Variants in USP20 observed in about 807,000 individuals in gnomAD.
The protein encoded by USP20 is ubiquitin carboxyl-terminal hydrolase 20.
In USP20, 80 loss-of-function variants were observed where a neutral mutation model predicts 124.2. That is an observed-to-expected ratio of 0.64 (90% CI 0.54 to 0.78). The LOEUF is 0.78. USP20 is among the 30% of genes least tolerant of loss of function. USP20 has a pLI of 0.00. For synonymous variants in USP20, 481 were observed against 512.3 expected (o/e 0.94, Z 0.83); for missense variants, 1,043 against 1,244.4 (o/e 0.84, Z 2.44).
chr9:129,841,589 C>T (rs2032216438), intron 1 of USP20, among the ~76,000 whole-genome samples: 1 of 152,176 alleles, frequency 6.6e-6, no homozygotes, highest in African/African-American at 2.4e-5. Context: ...GTTATGTCTC[C>T]TCAGTGTCTT....
intron 1 of USP20, among the ~76,000 whole-genome samples, chr9:129,840,197 T>G (rs1323345530): frequency 6.6e-6 from 1 of 152,234 alleles, no homozygotes; most frequent in Non-Finnish European, 1.5e-5. Context: ...CTTTCCCTTT[T>G]GGCCTTTATG....
At chr9:129,863,821 C>T (rs942896640) in intron 9 of USP20, among the ~76,000 whole-genome samples, 14 of 152,186 alleles carry the variant, frequency 9.2e-5, no homozygotes, top group African/African-American at 3.1e-4. Flanking sequence ...GAAAAACCAG[C>T]GTAGGGCCAG....
Position 129,875,566 on chromosome 9 carries a change from C to T in USP20, c.2225C>T (p.Pro742Leu), listed in dbSNP as rs1409831349. The change falls in exon 21 of 26, where the codon CCG becomes CTG. Residue 742 changes from proline (P) to leucine (L), a missense_variant. Transcript: ENST00000372429. ...QTFLCSHGGI[P>L]PHKYHYIDDL... The stretch of plus-strand genomic sequence containing the variant: ...CCCTGTACCTTCTTCCCAGGCATCC[C>T]GCCCCACAAATACCACTACATCGAC... 3.1e-6 allele frequency: 5 copies of T among 1,613,982 alleles called. No individual in the cohort carries two copies. The highest frequency in any genetic ancestry group is 4.2e-6 in the Non-Finnish European group (5 of 1,180,016).
chr9:129,859,031 A>G (rs1242107847), intron 6 of USP20, among the ~76,000 whole-genome samples: 4 of 151,998 alleles, frequency 2.6e-5, no homozygotes, highest in Non-Finnish European at 5.9e-5. Context: ...ACACTTCTCT[A>G]TGGGAAATGC....
In USP20 at chr9:129,865,465, C is replaced by T. The variant is rs112808696; in HGVS notation, c.690+84C>T. 6.6e-4 allele frequency: 959 copies of T among 1,443,008 alleles called. 2 individuals carry two copies. The African/African-American group carries it at 0.011, about 17-fold the overall frequency. The allele number at this position is 1,443,008 out of a possible 1,614,324, so 89.4% of individuals were successfully genotyped here. A position where few individuals can be genotyped will look rare whatever the true frequency, so the allele number is the denominator to read the frequency against. On this transcript the variant is annotated intron_variant, in intron 10 of 25. Transcript: ENST00000372429. ...TGACGCCAAAACCAGAGTGGAAAAT[C>T]GCAATGGCAGCTGAGCACTGGTTGG...
At position 129,861,029 on chromosome 9, in the gene USP20, TCG is replaced by T; in HGVS notation, c.424_425del (p.Gly143ProfsTer41). 6.4e-7 allele frequency: 1 copy of T among 1,562,588 alleles called. No homozygotes were observed. The highest frequency in any genetic ancestry group is 8.7e-7 in the Non-Finnish European group (1 of 1,147,308). ...SESEDDDLKP[R>X]GLTGMKNLGN... Reference sequence around the variant, plus strand: ...AGTCAGAGGACGATGACCTGAAACCTCGAGGTAATGGCCCCCACAGCAGGGGA... The same window carrying T: ...AGTCAGAGGACGATGACCTGAAACCTAGGTAATGGCCCCCACAGCAGGGGA... On this transcript the variant is annotated frameshift_variant and splice_region_variant, in exon 7 of 26. Coordinates refer to ENST00000372429, the MANE Select transcript of USP20 (RefSeq NM_001110303.4). LOFTEE classifies it high-confidence loss of function.
In USP20 at chr9:129,869,437, A is replaced by G; in HGVS notation, c.1392+12A>G. 4.3e-6 allele frequency: 7 copies of G among 1,612,112 alleles called. No individual in the cohort carries two copies. Among genetic ancestry groups the G allele is most frequent in the Non-Finnish European group, 5.9e-6 (7 of 1,178,738 alleles). On this transcript the variant is annotated intron_variant, in intron 13 of 25. Transcript: ENST00000372429. ...TCACCTGTGACCGGGTGGGTGCCCCAGGGATGGGGGGAGCTGGGCCAGGCT... is the reference window on the plus strand; with the variant it reads ...TCACCTGTGACCGGGTGGGTGCCCCGGGGATGGGGGGAGCTGGGCCAGGCT...
intron 4 of USP20, among the ~76,000 whole-genome samples, chr9:129,857,499 A>G (rs1226528715): frequency 1.3e-5 from 2 of 152,030 alleles, no homozygotes; most frequent in African/African-American, 2.4e-5. Context: ...GCCTTGGAGG[A>G]TGGGTAGATT....
At chr9:129,856,451 C>A in intron 4 of USP20, 91 bp downstream of exon 4, 5 of 1,451,190 alleles carry the variant, frequency 3.4e-6, no homozygotes, top group Non-Finnish European at 3.9e-6. Context: ...AGACTCTGGG[C>A]TGGGAACTTC....
chr9:129,873,709 G>A lies in USP20; in HGVS notation c.1705G>A (p.Gly569Arg), dbSNP rs779214654. ...SCERCKKLRN[G>R]VKYCKVLRLP... ...GTGCTTCCTCCCCAGGCTGCGGAACGGAGTGAAGTACTGCAAAGTCCTGCG... is the reference window on the plus strand; with the variant it reads ...GTGCTTCCTCCCCAGGCTGCGGAACAGAGTGAAGTACTGCAAAGTCCTGCG... The change falls in exon 17 of 26, where the codon GGA becomes AGA. Residue 569 changes from glycine to arginine, a missense_variant. Coordinates refer to ENST00000372429, the MANE Select transcript of USP20 (RefSeq NM_001110303.4). 5.6e-6 allele frequency: 9 copies of A among 1,613,156 alleles called. No homozygotes were observed. The highest frequency in any genetic ancestry group is 1.7e-5 in the Admixed American group (1 of 60,008).
At chr9:129,865,202 G>C in intron 9 of USP20, 101 bp from the exon 10 acceptor site, 1 of 1,290,626 alleles carries the variant, frequency 7.7e-7, no homozygotes. Context: ...GTCAGGAAAC[G>C]CCACACTCTG....
Position 129,877,795 on chromosome 9 carries a change from G to A in USP20, c.2410-543G>A, listed in dbSNP as rs144260490. Among the ~76,000 whole-genome samples, 5 of 152,258 alleles carry A rather than the reference G, an allele frequency of 3.3e-5. No individual in the cohort carries two copies. In the East Asian group the frequency reaches 7.7e-4, roughly 24 times the overall value. On this transcript the variant is annotated intron_variant, in intron 22 of 25. Coordinates refer to ENST00000372429, the MANE Select transcript of USP20 (RefSeq NM_001110303.4). ...GGAGAAAATTAGCATCTCCCAGGCC[G>A]GGCGCAGTGGTTCATGCCTGTTATC...
chr9:129,868,544 G>T, intron 11 of USP20, 95 bp downstream of exon 11: 1 of 1,464,004 alleles, frequency 6.8e-7, no homozygotes. Flanking sequence ...CCCGGGGGAC[G>T]GGTTCTTCAC....
At chr9:129,842,162 C>T (rs1027391102) in intron 1 of USP20, among the ~76,000 whole-genome samples, 2 of 152,124 alleles carry the variant, frequency 1.3e-5, no homozygotes, top group African/African-American at 4.8e-5. Context: ...CTGTCATTGT[C>T]CCCATTTTAT....
At chr9:129,855,848 A>G (rs2033186422) in intron 3 of USP20, among the ~76,000 whole-genome samples, 1 of 152,086 alleles carries the variant, frequency 6.6e-6, no homozygotes, top group Non-Finnish European at 1.5e-5. Context: ...TGCCAGGTCT[A>G]GTGAACTCTT....
At chr9:129,874,373 T>C (rs1014760625) in intron 17 of USP20, among the ~76,000 whole-genome samples, 1 of 152,118 alleles carries the variant, frequency 6.6e-6, no homozygotes, top group African/African-American at 2.4e-5. Flanking sequence ...TTGCAGCTCT[T>C]GGGGTCCAGT....
chr9:129,850,530 A>G (rs1057079611), intron 2 of USP20, among the ~76,000 whole-genome samples: 4 of 152,140 alleles, frequency 2.6e-5, no homozygotes, highest in African/African-American at 9.7e-5. Flanking sequence ...CTGAATGAGA[A>G]TCTGGCCAGT....
intron 17 of USP20, 150 bp downstream of exon 17, chr9:129,873,894 G>A (rs989511749): frequency 1.0e-6 from 1 of 969,830 alleles, no homozygotes; most frequent in African/African-American, 1.6e-5. Flanking sequence ...AGAAACCTCT[G>A]GGAAGGGTTG....
chr9:129,838,119 C>T (rs1016329836), intron 1 of USP20, among the ~76,000 whole-genome samples: 2 of 151,322 alleles, frequency 1.3e-5, no homozygotes, highest in African/African-American at 4.9e-5. Flanking sequence ...TTGGCTCACT[C>T]CAACCTCCGC....
Sources: gnomAD v4.1 joint callset for allele counts (sites outside exome capture counted in the v4.1 genomes callset) on GRCh38, gnomAD v4.1.1 for gene constraint, MANE v1.5 for transcripts, NCBI Gene and HGNC (gene_info 2026-07-23, HGNC 2026-07-21) for gene names.